ABCG8: variants seen among roughly 807,000 people sequenced by gnomAD.
The protein encoded by ABCG8 is ATP-binding cassette sub-family G member 8.
A neutral mutation model predicts 71.3 loss-of-function variants in ABCG8; 81 were observed. The ratio of observed to expected loss-of-function variants is 1.14; its 90% CI spans 0.95 to 1.37. ABCG8 has a LOEUF of 1.37. Among genes scored for constraint, ABCG8 ranks in the 40% most tolerant of loss-of-function variants. The pLI, the probability that ABCG8 is intolerant of heterozygous loss-of-function variation, is 0.00. For synonymous variants in ABCG8, 451 were observed against 354.7 expected (o/e 1.27, Z -3.05); for missense variants, 1,119 against 866.2 (o/e 1.29, Z -3.66).
intron 2 of ABCG8, 98 bp from the exon 3 acceptor site, chr2:43,846,057 G>T (rs763278274): frequency 6.0e-6 from 8 of 1,341,056 alleles, no homozygotes; most frequent in Non-Finnish European, 8.6e-6. Context: ...ATCCTCTGTG[G>T]AGAGGGGCCA....
At chr2:43,860,377 T>A (rs993245381) in intron 6 of ABCG8, among the ~76,000 whole-genome samples, 7 of 150,826 alleles carry the variant, frequency 4.6e-5, no homozygotes, top group Non-Finnish European at 7.4e-5. Context: ...ACTATCTGGA[T>A]AAAAGTCTCA....
chr2:43,846,334 G>A (rs1016054777), intron 3 of ABCG8, 23 bp downstream of exon 3: 1 of 1,613,998 alleles, frequency 6.2e-7, no homozygotes. Flanking sequence ...CAAATCGCTG[G>A]GCAATGGTTT....
intron 6 of ABCG8, among the ~76,000 whole-genome samples, chr2:43,864,978 C>T (rs1669471403): frequency 1.3e-5 from 2 of 149,406 alleles, no homozygotes; most frequent in South Asian, 2.2e-4. Context: ...GTGGATAGAA[C>T]TCTGACTATG....
chr2:43,843,073 C>T lies in ABCG8; in HGVS notation c.64-1434C>T, dbSNP rs114624278. Reference sequence around the variant, plus strand: ...ATGTTAGTTTCACCTACAGCATGTGCGTGCATTGTGTACATAGTGAAAATA... The same window carrying T: ...ATGTTAGTTTCACCTACAGCATGTGTGTGCATTGTGTACATAGTGAAAATA... On this transcript the variant is annotated intron_variant, in intron 1 of 12. Coordinates refer to ENST00000272286, the MANE Select transcript of ABCG8 (RefSeq NM_022437.3). Among the ~76,000 whole-genome samples, 939 of 152,314 alleles carry T rather than the reference C, an allele frequency of 6.2e-3. 14 individuals carry two copies. Among genetic ancestry groups the T allele is most frequent in the African/African-American group, 0.021 (885 of 41,572 alleles).
chr2:43,863,399 A>G (rs1373029764), intron 6 of ABCG8, among the ~76,000 whole-genome samples: 1 of 150,370 alleles, frequency 6.7e-6, no homozygotes, highest in African/African-American at 2.4e-5. Context: ...AACTCTCGCT[A>G]TTCATCTAGA....
In ABCG8 at chr2:43,881,045, A is replaced by T. The variant is rs1040185916; in HGVS notation, c.*3132A>T. On this transcript the variant is annotated 3_prime_UTR_variant, in exon 13 of 13. Transcript: ENST00000272286. The stretch of plus-strand genomic sequence containing the variant: ...CGTTAGGCCTGAATGAAGAAGGGGG[A>T]AGGATGAAGAGGACATTGGTAGCTT... The T allele has an allele frequency of 6.6e-6, 1 of 152,124 alleles. No individual in the cohort carries two copies. The highest frequency in any genetic ancestry group is 1.5e-5 in the Non-Finnish European group (1 of 68,052). 9.4% of individuals were successfully genotyped at this position (152,124 alleles called of 1,614,324 possible).
chr2:43,860,014 T>A (rs1378172314), intron 6 of ABCG8, among the ~76,000 whole-genome samples: 1 of 151,324 alleles, frequency 6.6e-6, no homozygotes, highest in Non-Finnish European at 1.5e-5. Context: ...GAACTCTGAG[T>A]ATCTGGATAG....
chr2:43,877,925 C>G lies in ABCG8; in HGVS notation c.*12C>G, dbSNP rs202118765. On this transcript the variant is annotated 3_prime_UTR_variant, in exon 13 of 13. Transcript: ENST00000272286. The stretch of plus-strand genomic sequence containing the variant: ...GTCAAGACTGGTGATTCACGCCAGA[C>G]GTCTGCCCGCTGGTGGGGGACCTGA... 121 of 1,614,144 alleles carry G rather than the reference C, an allele frequency of 7.5e-5. No homozygotes were observed. The highest frequency in any genetic ancestry group is 1.7e-4 in the Admixed American group (10 of 60,024).
intron 6 of ABCG8, among the ~76,000 whole-genome samples, chr2:43,858,831 T>C (rs1367982818): frequency 6.6e-6 from 1 of 151,496 alleles, no homozygotes; most frequent in Non-Finnish European, 1.5e-5. Context: ...TCACTATCTA[T>C]CTGGATAGAA....
rs1670084750 is a variant in ABCG8 at position 43,879,959 on chromosome 2, C to A, written c.*2046C>A. The A allele has an allele frequency of 6.6e-6, 1 of 152,064 alleles. No individual in the cohort carries two copies. Among genetic ancestry groups the A allele is most frequent in the Admixed American group, 6.5e-5 (1 of 15,282 alleles). The allele number at this position is 152,064 out of a possible 1,614,324, so 9.4% of individuals were successfully genotyped here. A position where few individuals can be genotyped will look rare whatever the true frequency, so the allele number is the denominator to read the frequency against. ...ACTTTGAAACTATGTAAATTGTAAA[C>A]TTTCCATTTATGCATTTTAAAATTT... On this transcript the variant is annotated 3_prime_UTR_variant, in exon 13 of 13. Coordinates refer to ENST00000272286, the MANE Select transcript of ABCG8 (RefSeq NM_022437.3).
At chr2:43,859,194 T>A (rs1354672823) in intron 6 of ABCG8, among the ~76,000 whole-genome samples, 1 of 150,988 alleles carries the variant, frequency 6.6e-6, no homozygotes, top group African/African-American at 2.4e-5. Flanking sequence ...TCTATCTGGA[T>A]AGAATTCTCT....
Position 43,839,027 on chromosome 2 carries a change from G to A in ABCG8, c.-27G>A, listed in dbSNP as rs779984848. 1.3e-6 allele frequency: 2 copies of A among 1,550,036 alleles called. No homozygotes were observed. Among genetic ancestry groups the A allele is most frequent in the Non-Finnish European group, 8.7e-7 (1 of 1,146,262 alleles). On this transcript the variant is annotated 5_prime_UTR_variant, in exon 1 of 13. Transcript: ENST00000272286. Reference sequence around the variant, plus strand: ...AGCAGCTGGGTCTAAGAGAGCTGCAGCCCAGGGTCACAGACCTGTGGGCCC... The same window carrying A: ...AGCAGCTGGGTCTAAGAGAGCTGCAACCCAGGGTCACAGACCTGTGGGCCC...
intron 3 of ABCG8, among the ~76,000 whole-genome samples, chr2:43,850,807 G>T (rs1668889076): frequency 6.6e-6 from 1 of 151,988 alleles, no homozygotes; most frequent in Non-Finnish European, 1.5e-5. Context: ...TACTCAGGAG[G>T]CTGAGGCAGG....
At chr2:43,874,137 C>T (rs922994299) in intron 9 of ABCG8, 151 bp downstream of exon 9, 3 of 936,520 alleles carry the variant, frequency 3.2e-6, no homozygotes, top group South Asian at 1.4e-5. Context: ...TATTAGCATA[C>T]AAATGAAAGT....
chr2:43,840,305 C>T (rs1434542305), intron 1 of ABCG8, among the ~76,000 whole-genome samples: 2 of 152,212 alleles, frequency 1.3e-5, no homozygotes, highest in African/African-American at 4.8e-5. Context: ...TCTCTGAATA[C>T]CCTGTGGGGC....
intron 6 of ABCG8, among the ~76,000 whole-genome samples, chr2:43,859,609 C>A (rs2104929169): frequency 6.6e-6 from 1 of 151,364 alleles, no homozygotes; most frequent in African/African-American, 2.4e-5. Context: ...AGAATTCTCA[C>A]CCTCTGGATA....
intron 1 of ABCG8, among the ~76,000 whole-genome samples, chr2:43,841,136 G>T (rs933270221): frequency 6.6e-6 from 1 of 152,184 alleles, no homozygotes; most frequent in Non-Finnish European, 1.5e-5. Flanking sequence ...CAAGTCCTGC[G>T]TGTCCTCTTG....
chr2:43,839,737 G>A (rs4245789), intron 1 of ABCG8, among the ~76,000 whole-genome samples: 151,833 of 152,226 alleles, frequency 1, 75,722 homozygotes, highest in Middle Eastern at 1. Flanking sequence ...CGCTTTTTCC[G>A]AATGAGACTC....
chr2:43,869,294 T>G (rs139492770), intron 6 of ABCG8, among the ~76,000 whole-genome samples: 1 of 152,062 alleles, frequency 6.6e-6, no homozygotes, highest in Non-Finnish European at 1.5e-5. Context: ...TGGATAGTAT[T>G]CTCGCTCTCT....
Sources: allele counts gnomAD v4.1 joint callset (sites outside exome capture counted in the v4.1 genomes callset), GRCh38; gene constraint gnomAD v4.1.1; transcripts MANE v1.5; gene names NCBI Gene and HGNC (gene_info 2026-07-23, HGNC 2026-07-21).